The following GABRB2 variants were observed in gnomAD, a reference collection of about 807,000 sequenced individuals.
GABRB2 encodes the protein gamma-aminobutyric acid receptor subunit beta-2.
In GABRB2, 16 loss-of-function variants were observed where a neutral mutation model predicts 54.7. The ratio of observed to expected loss-of-function variants is 0.29; its 90% confidence interval spans 0.20 to 0.44. GABRB2 has a LOEUF of 0.44. Ranked by LOEUF, GABRB2 falls within the 20% of genes least tolerant of loss-of-function variation. The pLI is 1.00. For synonymous variants in GABRB2, 244 were observed against 233.8 expected, an observed-to-expected ratio of 1.04 and a Z score of -0.40; for missense variants, 355 against 644.0, an observed-to-expected ratio of 0.55 and a Z score of 4.86.
chr5:161,346,397 T>A (rs965022914), intron 5 of GABRB2, among the ~76,000 whole-genome samples: 1 of 152,106 alleles, frequency 6.6e-6, no homozygotes, highest in Non-Finnish European at 1.5e-5. Context: ...AAAGTGATAA[T>A]GGAAGATGTT....
At chr5:161,349,554 A>G (rs1754413759) in intron 5 of GABRB2, among the ~76,000 whole-genome samples, 1 of 152,118 alleles carries the variant, frequency 6.6e-6, no homozygotes, top group African/African-American at 2.4e-5. Context: ...AACAGAATAC[A>G]AGAGAGGTGG....
chr5:161,388,087 T>C (rs1439309173), intron 5 of GABRB2, among the ~76,000 whole-genome samples: 1 of 152,132 alleles, frequency 6.6e-6, no homozygotes, highest in Non-Finnish European at 1.5e-5. Context: ...CTTAGTTCAC[T>C]TGAAGTAAAT....
chr5:161,301,795 G>C (rs1384503187), intron 9 of GABRB2, among the ~76,000 whole-genome samples: 1 of 152,076 alleles, frequency 6.6e-6, no homozygotes, highest in Non-Finnish European at 1.5e-5. Flanking sequence ...AAGGTTTTTT[G>C]GAGAGGCTCT....
intron 4 of GABRB2, among the ~76,000 whole-genome samples, chr5:161,412,049 T>C (rs2113117496): frequency 6.6e-6 from 1 of 152,272 alleles, no homozygotes; most frequent in African/African-American, 2.4e-5. Context: ...CTTACTGTAG[T>C]GTGAGGGGCA....
intron 5 of GABRB2, among the ~76,000 whole-genome samples, chr5:161,338,362 A>C (rs1754052775): frequency 6.6e-6 from 1 of 152,220 alleles, no homozygotes; most frequent in African/African-American, 2.4e-5. Context: ...ACTTGCAAAC[A>C]CCACAAACTA....
At chr5:161,356,477 G>C (rs1580911776) in intron 5 of GABRB2, among the ~76,000 whole-genome samples, 1 of 152,158 alleles carries the variant, frequency 6.6e-6, no homozygotes, top group South Asian at 2.1e-4. Context: ...CTCATGTTTG[G>C]CATGGCTAAC....
intron 8 of GABRB2, chr5:161,327,005 C>T (rs1447694803): frequency 3.1e-6 from 3 of 981,488 alleles, no homozygotes; most frequent in East Asian, 2.3e-4. Flanking sequence ...CGGGCAAGAA[C>T]AGTGGGTGAA....
intron 4 of GABRB2, among the ~76,000 whole-genome samples, chr5:161,455,587 G>A (rs1348034857): frequency 6.8e-6 from 1 of 147,722 alleles, no homozygotes; most frequent in African/African-American, 2.5e-5. Flanking sequence ...CTGTAGCGCA[G>A]TGGCATGAAT....
At chr5:161,447,614 T>C (rs1757672774) in intron 4 of GABRB2, among the ~76,000 whole-genome samples, 1 of 152,120 alleles carries the variant, frequency 6.6e-6, no homozygotes, top group South Asian at 2.1e-4. Flanking sequence ...GTGAATGTGA[T>C]TTGAGTCATT....
chr5:161,318,309 C>T (rs1561605634), intron 9 of GABRB2, among the ~76,000 whole-genome samples: 1 of 152,052 alleles, frequency 6.6e-6, no homozygotes, highest in Middle Eastern at 3.4e-3. Context: ...CATGTTTATT[C>T]AAACATTTAT....
chr5:161,516,976 T>G (rs896256938), intron 3 of GABRB2, among the ~76,000 whole-genome samples: 1 of 152,208 alleles, frequency 6.6e-6, no homozygotes, highest in Non-Finnish European at 1.5e-5. Context: ...TTAGCAAACA[T>G]CTCACTTCTT....
At chr5:161,355,391 A>G (rs1416326993) in intron 5 of GABRB2, among the ~76,000 whole-genome samples, 1 of 149,684 alleles carries the variant, frequency 6.7e-6, no homozygotes, top group Non-Finnish European at 1.5e-5. Context: ...TGTCATAACA[A>G]CTGTCACAGT....
At position 161,385,951 on chromosome 5, in the gene GABRB2, T is replaced by G. The variant is rs1428618246; in HGVS notation, c.541+25024A>C. Among the ~76,000 whole-genome samples, 49 of 49,612 alleles carry G rather than the reference T, an allele frequency of 9.9e-4. 1 individual carries two copies. The highest frequency in any genetic ancestry group is 1.5e-3 in the Non-Finnish European group (45 of 30,080). 32.5% of individuals were successfully genotyped at this position (49,612 alleles called of 152,430 possible). A position where few individuals can be genotyped will look rare whatever the true frequency, so the allele number is the denominator to read the frequency against. ...AGTAACTGTTACCTATTGTCTGGTGTGTGTGTGTGTGTGTGTGTGTGTGTG... is the reference window on the plus strand; with the variant it reads ...AGTAACTGTTACCTATTGTCTGGTGGGTGTGTGTGTGTGTGTGTGTGTGTG... On this transcript the variant is annotated intron_variant, in intron 5 of 9. Transcript: ENST00000393959.
intron 5 of GABRB2, among the ~76,000 whole-genome samples, chr5:161,385,189 C>A: frequency 6.6e-6 from 1 of 152,200 alleles, no homozygotes; most frequent in African/African-American, 2.4e-5. Context: ...GATGAATATT[C>A]CTTCCACTCC....
At chr5:161,410,928 AAC>A in intron 5 of GABRB2, 45 bp downstream of exon 5, 1 of 1,436,336 alleles carries the variant, frequency 7.0e-7, no homozygotes, top group Non-Finnish European at 9.8e-7. Context: ...TCTGCGTAAG[AAC>A]CTTAAAGCAG....
At chr5:161,537,869 G>A (rs1194024286) in intron 3 of GABRB2, among the ~76,000 whole-genome samples, 1 of 151,966 alleles carries the variant, frequency 6.6e-6, no homozygotes, top group Non-Finnish European at 1.5e-5. Flanking sequence ...TCCCACTCCA[G>A]TCTTTTAAAA....
In GABRB2 at chr5:161,435,117, C is replaced by T. The variant is rs558969367; in HGVS notation, c.459-24060G>A. 2.6e-5 allele frequency among the ~76,000 whole-genome samples: 4 copies of T among 152,240 alleles called. No individual in the cohort carries two copies. In the South Asian group the frequency reaches 8.3e-4, roughly 32 times the overall value. On this transcript the variant is annotated intron_variant, in intron 4 of 9. Coordinates refer to ENST00000393959, the MANE Select transcript of GABRB2 (RefSeq NM_001371727.1). ...ATTTTTTCTCTCTTCTTAAAAATAG[C>T]ACTTTATTTTCCTTATGAAAATTAT...
At chr5:161,538,934 T>C (rs1474582681) in intron 3 of GABRB2, among the ~76,000 whole-genome samples, 1 of 152,262 alleles carries the variant, frequency 6.6e-6, no homozygotes, top group Non-Finnish European at 1.5e-5. Flanking sequence ...TGGATCATAG[T>C]AGCTGCTAAA....
intron 3 of GABRB2, among the ~76,000 whole-genome samples, chr5:161,512,227 AT>A (rs1055867010): frequency 1.9e-4 from 29 of 151,934 alleles, no homozygotes; most frequent in East Asian, 1.4e-3. Flanking sequence ...TCACAAAATT[AT>A]TTTTTTTAAT....
Sources: allele counts gnomAD v4.1 joint callset (sites outside exome capture counted in the v4.1 genomes callset), GRCh38; gene constraint gnomAD v4.1.1; transcripts MANE v1.5; gene names NCBI Gene and HGNC (gene_info 2026-07-23, HGNC 2026-07-21).